Variants in KCNMB1 observed in about 807,000 individuals in gnomAD.
The protein encoded by KCNMB1 is potassium calcium-activated channel subfamily M regulatory beta subunit 1.
Under a neutral mutation model 21.7 loss-of-function variants are expected in KCNMB1, and 22 were observed. That is an observed-to-expected ratio of 1.01 (90% CI 0.72 to 1.45). The LOEUF is 1.45. Among genes scored for constraint, KCNMB1 ranks in the 40% most tolerant of loss-of-function variants. KCNMB1 has a pLI of 0.00. For synonymous variants in KCNMB1, 114 were observed against 107.6 expected (o/e 1.06, Z -0.37); for missense variants, 243 against 243.4 (o/e 1.00, Z 0.01).
intron 1 of KCNMB1, among the ~76,000 whole-genome samples, chr5:170,387,429 C>T (rs1249351565): frequency 6.6e-6 from 1 of 152,074 alleles, no homozygotes; most frequent in African/African-American, 2.4e-5. Flanking sequence ...AGGCTGCCCT[C>T]ATACCCGGGC....
At position 170,378,847 on chromosome 5, in the gene KCNMB1, T is replaced by C. The variant is rs1392047484; in HGVS notation, c.433A>G (p.Ser145Gly). Residue 145 changes from serine to glycine, a missense_variant, in exon 4 of 4, where the codon AGC becomes GGC. Ser to Gly is a moderately conservative substitution (Grantham distance 56). Coordinates refer to ENST00000274629, the MANE Select transcript of KCNMB1 (RefSeq NM_004137.4). ...CCGTAGAGGCGCTGGAATAGGACGC[T>C]GGTTTCGTTCCCCCGAGGTGCGGAG... Reference protein sequence around the residue: ...CFSAPRGNETSVLFQRLYGPQ... With the variant: ...CFSAPRGNETGVLFQRLYGPQ... 1 of 1,614,230 alleles carries C rather than the reference T, an allele frequency of 6.2e-7. No homozygotes were observed. The highest frequency in any genetic ancestry group is 8.5e-7 in the Non-Finnish European group (1 of 1,180,034).
chr5:170,377,982 A>G lies in KCNMB1; in HGVS notation c.*722T>C, dbSNP rs1764076482. 1 of 152,252 alleles carries G rather than the reference A, an allele frequency of 6.6e-6. No homozygotes were observed. Among genetic ancestry groups the G allele is most frequent in the Non-Finnish European group, 1.5e-5 (1 of 68,022 alleles). The allele number at this position is 152,252 out of a possible 1,614,324, so 9.4% of individuals were successfully genotyped here. On this transcript the variant is annotated 3_prime_UTR_variant, in exon 4 of 4. Transcript: ENST00000274629. ...TCTGTGAGGGGGACACACTCTTTCAACTTTTCCAAAATGGCATCTACCATG... is the reference window on the plus strand; with the variant it reads ...TCTGTGAGGGGGACACACTCTTTCAGCTTTTCCAAAATGGCATCTACCATG...
At chr5:170,386,157 C>T (rs891453384) in intron 1 of KCNMB1, among the ~76,000 whole-genome samples, 1 of 151,720 alleles carries the variant, frequency 6.6e-6, no homozygotes, top group Non-Finnish European at 1.5e-5. Context: ...AAGATAAAGG[C>T]TCTTGAAATG....
At chr5:170,384,836 C>T (rs1331837315) in intron 2 of KCNMB1, among the ~76,000 whole-genome samples, 1 of 152,242 alleles carries the variant, frequency 6.6e-6, no homozygotes, top group Non-Finnish European at 1.5e-5. Context: ...AATGCAGACA[C>T]ATCAGAAAAC....
Position 170,375,272 on chromosome 5 carries a change from C to A in KCNMB1, c.*3432G>T, listed in dbSNP as rs796352266. ...ACAATTAAGACTTTCTTAAAAGACT[C>A]ACATGAGGACCTTTGAGACTTCCCT... On this transcript the variant is annotated 3_prime_UTR_variant, in exon 4 of 4. Transcript: ENST00000274629. 66 of 152,318 alleles carry A rather than the reference C, an allele frequency of 4.3e-4. No homozygotes were observed. Among genetic ancestry groups the A allele is most frequent in the African/African-American group, 1.5e-3 (64 of 41,564 alleles). The allele number at this position is 152,318 out of a possible 1,614,324, so 9.4% of individuals were successfully genotyped here.
chr5:170,388,491 T>C (rs1045278970), intron 1 of KCNMB1, among the ~76,000 whole-genome samples: 3 of 152,208 alleles, frequency 2.0e-5, no homozygotes, highest in Non-Finnish European at 2.9e-5. Flanking sequence ...TTTCTAAATA[T>C]CTCTGAAGTT....
rs374733513 is a variant in KCNMB1 at position 170,383,744 on chromosome 5, C to T, written c.241G>A (p.Val81Met). ...ACAGCCCACCTGCCGGCAGCTGACA[C>T]GTTGACCCACAGGCATGGGTACTGG... ...VPQYPCLWVNVSAAGRWAVLY... is the reference protein window; with the variant it reads ...VPQYPCLWVNMSAAGRWAVLY... The change falls in exon 3 of 4, where the codon GTG becomes ATG. Residue 81 changes from valine to methionine, a missense_variant. Val to Met is a conservative substitution (Grantham distance 21, BLOSUM62 1). Coordinates refer to ENST00000274629, the MANE Select transcript of KCNMB1 (RefSeq NM_004137.4). 2.2e-5 allele frequency: 35 copies of T among 1,614,080 alleles called. No individual in the cohort carries two copies. Among genetic ancestry groups the T allele is most frequent in the African/African-American group, 9.3e-5 (7 of 74,924 alleles).
intron 3 of KCNMB1, among the ~76,000 whole-genome samples, chr5:170,381,942 G>A (rs1161200451): frequency 6.6e-6 from 1 of 152,112 alleles, no homozygotes; most frequent in East Asian, 1.9e-4. Flanking sequence ...TACTAGCGAT[G>A]ACAGAACACC....
chr5:170,384,075 GT>G (rs1177474527), intron 2 of KCNMB1, among the ~76,000 whole-genome samples: 2 of 152,150 alleles, frequency 1.3e-5, no homozygotes, highest in African/African-American at 4.8e-5. Flanking sequence ...TATATGACTG[GT>G]TCTCAACCTT....
chr5:170,380,127 A>G (rs1764181635), intron 3 of KCNMB1, among the ~76,000 whole-genome samples: 1 of 152,224 alleles, frequency 6.6e-6, no homozygotes, highest in Admixed American at 6.5e-5. Context: ...CACACATTTA[A>G]TTCTGACGTT....
intron 3 of KCNMB1, among the ~76,000 whole-genome samples, chr5:170,379,401 G>C (rs1051172387): frequency 2.6e-5 from 4 of 152,196 alleles, no homozygotes; most frequent in Non-Finnish European, 5.9e-5. Context: ...GGCCAAGTGG[G>C]CTGTGTATTT....
intron 1 of KCNMB1, among the ~76,000 whole-genome samples, chr5:170,386,887 T>C (rs1373498201): frequency 1.3e-5 from 2 of 151,952 alleles, no homozygotes; most frequent in Admixed American, 6.6e-5. Context: ...CCCCTGGACA[T>C]TGACTCCACC....
intron 2 of KCNMB1, 58 bp downstream of exon 2, chr5:170,385,256 C>A: frequency 5.6e-6 from 9 of 1,599,124 alleles, no homozygotes; most frequent in Non-Finnish European, 7.7e-6. Context: ...GGGTTCCTTA[C>A]AGATGCCAGA....
chr5:170,388,490 A>G (rs1245998148), intron 1 of KCNMB1, among the ~76,000 whole-genome samples: 2 of 152,230 alleles, frequency 1.3e-5, no homozygotes, highest in Non-Finnish European at 2.9e-5. Flanking sequence ...ATTTCTAAAT[A>G]TCTCTGAAGT....
intron 3 of KCNMB1, among the ~76,000 whole-genome samples, chr5:170,382,209 A>G (rs1027974898): frequency 7.2e-5 from 11 of 152,264 alleles, no homozygotes; most frequent in Non-Finnish European, 1.3e-4. Flanking sequence ...AACTCTGATC[A>G]TGCCCTAAAG....
chr5:170,389,128 C>G (rs563716125), intron 1 of KCNMB1, 131 bp downstream of exon 1: 1 of 152,482 alleles, frequency 6.6e-6, no homozygotes, highest in South Asian at 2.1e-4. Flanking sequence ...TCCAGAAGGA[C>G]AGCCCCGAGA....
intron 1 of KCNMB1, among the ~76,000 whole-genome samples, chr5:170,388,767 C>T (rs1452712091): frequency 2.6e-5 from 4 of 152,282 alleles, no homozygotes; most frequent in South Asian, 4.1e-4. Context: ...GACTGTGAAA[C>T]GAGAACCATG....
Position 170,376,149 on chromosome 5 carries a change from T to C in KCNMB1, c.*2555A>G, listed in dbSNP as rs1025176266. ...AAGTTTCTGAGTATTCATGACTTATTCTTTTTTTTTTTTTTTTTTTTTTTT... is the reference window on the plus strand; with the variant it reads ...AAGTTTCTGAGTATTCATGACTTATCCTTTTTTTTTTTTTTTTTTTTTTTT... On this transcript the variant is annotated 3_prime_UTR_variant, in exon 4 of 4. Transcript: ENST00000274629. The C allele has an allele frequency of 2.8e-5, 4 of 144,390 alleles. No individual in the cohort carries two copies. The highest frequency in any genetic ancestry group is 6.0e-5 in the Non-Finnish European group (4 of 67,082). 8.9% of individuals were successfully genotyped at this position (144,390 alleles called of 1,614,324 possible). A position where few individuals can be genotyped will look rare whatever the true frequency, so the allele number is the denominator to read the frequency against.
intron 3 of KCNMB1, among the ~76,000 whole-genome samples, chr5:170,379,597 A>G (rs1448143469): frequency 2.0e-5 from 3 of 151,880 alleles, no homozygotes; most frequent in Non-Finnish European, 4.4e-5. Flanking sequence ...GGCAGTCACC[A>G]CTCCCTCCAG....
Sources: gnomAD v4.1 joint callset for allele counts (sites outside exome capture counted in the v4.1 genomes callset) on GRCh38, gnomAD v4.1.1 for gene constraint, MANE v1.5 for transcripts, NCBI Gene and HGNC (gene_info 2026-07-23, HGNC 2026-07-21) for gene names.